PSG6: variants seen among roughly 807,000 people sequenced by gnomAD.
PSG6 encodes pregnancy specific beta-1-glycoprotein 6.
In PSG6, 51 loss-of-function variants were observed where a neutral mutation model predicts 43.3. That is an observed-to-expected ratio of 1.18 (90% confidence interval 0.94 to 1.49). The LOEUF is 1.49. Ranked by LOEUF, PSG6 falls within the 40% of genes most tolerant of loss-of-function variation. PSG6 has a pLI of 0.00. For missense variants in PSG6, 770 were observed against 522.2 expected, an observed-to-expected ratio of 1.47 and a Z score of -4.62; for synonymous variants, 292 against 197.6, an observed-to-expected ratio of 1.48 and a Z score of -4.01.
In PSG6 at chr19:42,910,420, G is replaced by T. The variant is rs756006362; in HGVS notation, c.706+160C>A. The T allele has an allele frequency of 1.3e-4, 200 of 1,564,630 alleles. 3 individuals carry two copies. The highest frequency in any genetic ancestry group is 1.7e-4 in the Non-Finnish European group (194 of 1,138,892). ...TCTCTCTTATTGTTGATCAAGCCTA[G>T]GCCTACTCTGGTTTGCCTGGAGCAG... On this transcript the variant is annotated intron_variant, in intron 3 of 5. Coordinates refer to ENST00000187910, the MANE Select transcript of PSG6 (RefSeq NM_001031850.4).
chr19:42,913,439 C>T (rs1010207475), intron 2 of PSG6, among the ~76,000 whole-genome samples: 1 of 151,908 alleles, frequency 6.6e-6, no homozygotes, highest in South Asian at 2.1e-4. Flanking sequence ...GCCACTGTGC[C>T]CAGCCATCTC....
intron 5 of PSG6, chr19:42,906,537 A>C (rs1063026): frequency 9.4e-6 from 12 of 1,281,568 alleles, no homozygotes; most frequent in South Asian, 9.3e-5. Context: ...AAAGCCTCAG[A>C]TGTTCCTTGT....
intron 4 of PSG6, among the ~76,000 whole-genome samples, 191 bp downstream of exon 4, chr19:42,907,385 G>A (rs1359526288): frequency 1.3e-5 from 2 of 151,812 alleles, no homozygotes; most frequent in African/African-American, 2.4e-5. Flanking sequence ...TGACAAGAGC[G>A]CCCCTCCCCT....
Position 42,917,736 on chromosome 19 carries a change from C to G in PSG6, c.57G>C (p.Leu19=). 4 of 1,609,992 alleles carry G rather than the reference C, an allele frequency of 2.5e-6. No individual in the cohort carries two copies. Among genetic ancestry groups the G allele is most frequent in the South Asian group, 1.1e-5 (1 of 90,566 alleles). The change falls in exon 1 of 6, where the codon CTG becomes CTC. Residue 19 remains leucine (L), a synonymous_variant. Transcript: ENST00000187910. ...AGGAAGTCCTCTCCTCACCTGTGAG[C>G]AGGAGCCCCTTCCAGGTGATGTGCT... The part of the protein sequence containing the change: ...CTQHITWKGL[L]LTASLLNFWN...
intron 3 of PSG6, among the ~76,000 whole-genome samples, chr19:42,908,360 T>G (rs1055143481): frequency 1.3e-5 from 2 of 151,748 alleles, no homozygotes; most frequent in Non-Finnish European, 2.9e-5. Flanking sequence ...GGACTGGATG[T>G]TTCAGCAGAA....
Position 42,916,153 on chromosome 19 carries a change from T to A in PSG6, c.399A>T (p.Val133=). 6.2e-7 allele frequency: 1 copy of A among 1,611,952 alleles called. No homozygotes were observed. The highest frequency in any genetic ancestry group is 8.5e-7 in the Non-Finnish European group (1 of 1,178,956). The change falls in exon 2 of 6, where the codon GTA becomes GTT. Residue 133 remains valine, a synonymous_variant. Coordinates refer to ENST00000187910, the MANE Select transcript of PSG6 (RefSeq NM_001031850.4). The part of the protein sequence containing the change: ...IIKRGDGTGG[V]TGYFTVTLYS... The stretch of plus-strand genomic sequence containing the variant: ...ATAAGGTGACAGTGAAATATCCAGT[T>A]ACTCCTCCAGTCCCATCGCCTCGCT...
chr19:42,912,085 T>C (rs372015280), intron 2 of PSG6, among the ~76,000 whole-genome samples: 17 of 151,800 alleles, frequency 1.1e-4, no homozygotes, highest in East Asian at 5.8e-4. Context: ...ATTTGCAGTA[T>C]ATGTACTGGT....
At chr19:42,903,369 T>C (rs1464796506) in intron 5 of PSG6, among the ~76,000 whole-genome samples, 1 of 151,554 alleles carries the variant, frequency 6.6e-6, no homozygotes, top group Non-Finnish European at 1.5e-5. Context: ...GTCAACAACC[T>C]ACTTTAATAC....
intron 2 of PSG6, among the ~76,000 whole-genome samples, chr19:42,912,801 A>T (rs187814341): frequency 1.3e-5 from 2 of 151,788 alleles, no homozygotes; most frequent in African/African-American, 4.8e-5. Context: ...AAGAACTCCA[A>T]CTTATGAAAA....
intron 2 of PSG6, among the ~76,000 whole-genome samples, chr19:42,913,521 A>G (rs1972266981): frequency 6.6e-6 from 1 of 151,640 alleles, no homozygotes; most frequent in Non-Finnish European, 1.5e-5. Flanking sequence ...CCGAGTGACA[A>G]ATTTCAAGCT....
In PSG6 at chr19:42,914,890, A is replaced by G. The variant is rs1022807509; in HGVS notation, c.427+1235T>C. The stretch of plus-strand genomic sequence containing the variant: ...ACACTTGGGAAACACAGGATTTCAC[A>G]TTCAGTGATGGAGGTTAAGATCTGA... On this transcript the variant is annotated intron_variant, in intron 2 of 5. Coordinates refer to ENST00000187910, the MANE Select transcript of PSG6 (RefSeq NM_001031850.4). Among the ~76,000 whole-genome samples, 24 of 151,768 alleles carry G rather than the reference A, an allele frequency of 1.6e-4. 2 individuals are homozygous for G. The Middle Eastern group carries it at 0.014, about 86-fold the overall frequency.
In PSG6 at chr19:42,907,727, G is replaced by C. The variant is rs542265010; in HGVS notation, c.834C>G (p.Ser278Arg). Residue 278 changes from serine to arginine, a missense_variant, in exon 4 of 6, where the codon AGC becomes AGG. Ser to Arg is a moderately radical substitution (Grantham distance 110). Transcript: ENST00000187910. ...GCTTTACCCTCGGACTGACCGGGAG[G>C]CTCTGACCATTTAGCCACCAAATGT... ...YTYIWWLNGQ[S>R]LPVSPRVKRP... 1.2e-6 allele frequency: 2 copies of C among 1,610,690 alleles called. No individual in the cohort carries two copies. Among genetic ancestry groups the C allele is most frequent in the Non-Finnish European group, 1.7e-6 (2 of 1,179,108 alleles).
At chr19:42,913,835 C>T (rs1972272582) in intron 2 of PSG6, among the ~76,000 whole-genome samples, 1 of 151,490 alleles carries the variant, frequency 6.6e-6, no homozygotes, top group Non-Finnish European at 1.5e-5. Flanking sequence ...GATCATTTCC[C>T]TCCGCCCGCA....
chr19:42,913,258 C>G (rs1479379953), intron 2 of PSG6, among the ~76,000 whole-genome samples: 1 of 151,614 alleles, frequency 6.6e-6, no homozygotes, highest in Non-Finnish European at 1.5e-5. Context: ...TCATGCCATT[C>G]TCCTGCCTCG....
chr19:42,902,866 G>A (rs1432267039), intron 5 of PSG6, among the ~76,000 whole-genome samples: 1 of 151,370 alleles, frequency 6.6e-6, no homozygotes, highest in Non-Finnish European at 1.5e-5. Flanking sequence ...CCCACAATTA[G>A]TCAGTAACCA....
rs1458567979 is a variant in PSG6 at position 42,913,187 on chromosome 19, GCT to G, written c.428-2331_428-2330del. Among the ~76,000 whole-genome samples the G allele has an allele frequency of 7.9e-5, 12 of 151,202 alleles. No individual in the cohort carries two copies. In the South Asian group the frequency reaches 1.9e-3, roughly 24 times the overall value. ...ATTTTTTTTTCTGAGACAGAGTCTC[GCT>G]CTGTCACCCCAGCTGCAGTGGCATG... On this transcript the variant is annotated intron_variant, in intron 2 of 5. Coordinates refer to ENST00000187910, the MANE Select transcript of PSG6 (RefSeq NM_001031850.4).
intron 3 of PSG6, among the ~76,000 whole-genome samples, chr19:42,908,149 C>A (rs1395780011): frequency 6.6e-6 from 1 of 151,672 alleles, no homozygotes; most frequent in Non-Finnish European, 1.5e-5. Context: ...CCAGTCCCTC[C>A]ATAATCAGTT....
chr19:42,903,507 T>G, intron 5 of PSG6: 2 of 1,118,178 alleles, frequency 1.8e-6, no homozygotes, highest in Non-Finnish European at 2.4e-6. Flanking sequence ...AACCAAAAGT[T>G]GATTCTTCAA....
chr19:42,902,638 T>C (rs535786458), intron 5 of PSG6, among the ~76,000 whole-genome samples, 192 bp from the exon 6 acceptor site: 48 of 151,748 alleles, frequency 3.2e-4, no homozygotes, highest in African/African-American at 1.1e-3. Flanking sequence ...ACTGCATTGG[T>C]ACCTAAAACT....
Sources: allele counts gnomAD v4.1 joint callset (sites outside exome capture counted in the v4.1 genomes callset), GRCh38; gene constraint gnomAD v4.1.1; transcripts MANE v1.5; gene names NCBI Gene and HGNC (gene_info 2026-07-23, HGNC 2026-07-21).